Variants in RIC8B observed in about 807,000 individuals in gnomAD.
The protein encoded by RIC8B is RIC8 guanine nucleotide exchange factor B.
RIC8B carries 16 observed loss-of-function variants against 57.5 expected under a neutral mutation model. The ratio of observed to expected loss-of-function variants is 0.28; its 90% confidence interval spans 0.19 to 0.42. RIC8B has a LOEUF of 0.42. Ranked by LOEUF, RIC8B falls within the 10% of genes least tolerant of loss-of-function variation. The probability of loss-of-function intolerance (pLI) is 1.00; values close to 1 mark genes in which losing one functional copy is unlikely to be tolerated. For synonymous variants in RIC8B, 216 were observed against 250.8 expected, an observed-to-expected ratio of 0.86 and a Z score of 1.31; for missense variants, 481 against 677.0, an observed-to-expected ratio of 0.71 and a Z score of 3.21.
chr12:106,809,746 T>G (rs2045247805), intron 2 of RIC8B, among the ~76,000 whole-genome samples: 1 of 152,116 alleles, frequency 6.6e-6, no homozygotes, highest in Non-Finnish European at 1.5e-5. Context: ...CATGTGATAC[T>G]TTGACACAAG....
At position 106,830,840 on chromosome 12, in the gene RIC8B, T is replaced by C. The variant is rs1485807087; in HGVS notation, c.836+5020T>C. Among the ~76,000 whole-genome samples the C allele has an allele frequency of 3.9e-5, 6 of 152,300 alleles. No homozygotes were observed. In the South Asian group the frequency reaches 1.2e-3, roughly 32 times the overall value. On this transcript the variant is annotated intron_variant, in intron 4 of 9. Transcript: ENST00000392837. ...GAAAAGACATAAATGTTAGGAAAGC[T>C]AAATAACAATTCGAGACAGGGATAG...
intron 3 of RIC8B, among the ~76,000 whole-genome samples, chr12:106,824,977 T>C (rs1228401367): frequency 1.3e-5 from 2 of 152,210 alleles, no homozygotes; most frequent in African/African-American, 4.8e-5. Flanking sequence ...TCCTGAAATA[T>C]GGCATATCCA....
chr12:106,792,332 C>A (rs1251276430), intron 2 of RIC8B, among the ~76,000 whole-genome samples: 2 of 152,152 alleles, frequency 1.3e-5, no homozygotes, highest in Non-Finnish European at 2.9e-5. Flanking sequence ...AAAGCAAGGA[C>A]AGGACAGCCC....
At chr12:106,837,767 A>G (rs2046682055) in intron 4 of RIC8B, among the ~76,000 whole-genome samples, 1 of 149,408 alleles carries the variant, frequency 6.7e-6, no homozygotes, top group African/African-American at 2.5e-5. Flanking sequence ...TCATCCTCCC[A>G]AGTAGCTGGG....
chr12:106,822,331 G>A (rs954676052), intron 3 of RIC8B: 1 of 152,158 alleles, frequency 6.6e-6, no homozygotes, highest in African/African-American at 2.4e-5. Context: ...ATTGGTATAA[G>A]TACTTTGAAA....
chr12:106,864,955 CTT>C (rs1214420809), intron 8 of RIC8B, among the ~76,000 whole-genome samples: 2 of 152,082 alleles, frequency 1.3e-5, no homozygotes, highest in Non-Finnish European at 1.5e-5. Context: ...AGAATAATGT[CTT>C]TAAGATTCGT....
At chr12:106,870,548 TG>T (rs1260022840) in intron 8 of RIC8B, among the ~76,000 whole-genome samples, 4 of 152,100 alleles carry the variant, frequency 2.6e-5, no homozygotes, top group Admixed American at 6.5e-5. Context: ...AATCAAATTT[TG>T]TATTTTTAAA....
chr12:106,796,369 C>A (rs148049566), intron 2 of RIC8B, among the ~76,000 whole-genome samples: 1 of 151,944 alleles, frequency 6.6e-6, no homozygotes, highest in South Asian at 2.1e-4. Context: ...GAGACCCCCA[C>A]CCCCCTCCAT....
intron 4 of RIC8B, among the ~76,000 whole-genome samples, chr12:106,827,659 C>G (rs1306189396): frequency 6.6e-6 from 1 of 152,128 alleles, no homozygotes; most frequent in Non-Finnish European, 1.5e-5. Flanking sequence ...ACAAATCAAA[C>G]ATTCCTTTAG....
At chr12:106,844,648 C>T (rs1428699575) in intron 6 of RIC8B, among the ~76,000 whole-genome samples, 2 of 152,156 alleles carry the variant, frequency 1.3e-5, no homozygotes, top group East Asian at 1.9e-4. Flanking sequence ...ATCCTGGCTA[C>T]TATTTGTAAG....
At chr12:106,829,290 T>C (rs1287511031) in intron 4 of RIC8B, among the ~76,000 whole-genome samples, 1 of 152,220 alleles carries the variant, frequency 6.6e-6, no homozygotes, top group African/African-American at 2.4e-5. Flanking sequence ...AACAAGCTTA[T>C]GCATAAATAC....
In RIC8B at chr12:106,886,671, G is replaced by A. The variant is rs565496914; in HGVS notation, c.*656G>A. 6 of 152,688 alleles carry A rather than the reference G, an allele frequency of 3.9e-5. No individual in the cohort carries two copies. The East Asian group carries it at 1.2e-3, about 29-fold the overall frequency. The allele number at this position is 152,688 out of a possible 1,614,324, so 9.5% of individuals were successfully genotyped here. ...GTTATAAATGATGGTTTAGTTCTCA[G>A]GCAGCTACAAATGCCTATTTATTCC... On this transcript the variant is annotated 3_prime_UTR_variant, in exon 10 of 10. Transcript: ENST00000392837.
At position 106,808,194 on chromosome 12, in the gene RIC8B, T is replaced by C. The variant is rs201032307; in HGVS notation, c.133-6502T>C. On this transcript the variant is annotated intron_variant, in intron 2 of 9. Coordinates refer to ENST00000392837, the MANE Select transcript of RIC8B (RefSeq NM_001330145.2). ...CAATTTACATAGCATTTATGTTGTA[T>C]TGGGTATTATAAGTAGTCTAGAGGT... is the stretch of plus-strand genomic sequence containing the variant. Among the ~76,000 whole-genome samples the C allele has an allele frequency of 2.6e-5, 4 of 152,234 alleles. No individual in the cohort carries two copies. The East Asian group carries it at 7.7e-4, about 29-fold the overall frequency.
At chr12:106,805,656 T>C (rs1432483283) in intron 2 of RIC8B, among the ~76,000 whole-genome samples, 3 of 152,214 alleles carry the variant, frequency 2.0e-5, no homozygotes, top group South Asian at 2.1e-4. Context: ...CACATTAACA[T>C]CAGAGTAATA....
intron 8 of RIC8B, among the ~76,000 whole-genome samples, chr12:106,869,893 T>G (rs1455948068): frequency 6.6e-6 from 1 of 152,162 alleles, no homozygotes; most frequent in Non-Finnish European, 1.5e-5. Context: ...GAGCCGAGAT[T>G]GTGCGACTGC....
At chr12:106,825,962 T>C (rs555352926) in intron 4 of RIC8B, 142 bp downstream of exon 4, 3 of 604,800 alleles carry the variant, frequency 5.0e-6, no homozygotes, top group South Asian at 3.9e-5. Flanking sequence ...GAAATCATTA[T>C]CATGGAAATC....
chr12:106,883,764 A>C (rs1198969140), intron 9 of RIC8B, among the ~76,000 whole-genome samples: 1 of 151,916 alleles, frequency 6.6e-6, no homozygotes, highest in Non-Finnish European at 1.5e-5. Flanking sequence ...TGTGTCTATC[A>C]TGCTGCTGCC....
intron 9 of RIC8B, chr12:106,871,496 AAACC>A (rs769298671): frequency 1.4e-5 from 2 of 142,130 alleles, no homozygotes; most frequent in Admixed American, 1.4e-4. Context: ...AAAAAAAAAA[AAACC>A]AAAAAACTCC....
rs1951272637 is a variant in RIC8B at position 106,888,478 on chromosome 12, C to T, written c.*2463C>T. 3 of 152,744 alleles carry T rather than the reference C, an allele frequency of 2.0e-5. No individual in the cohort carries two copies. The South Asian group carries it at 6.2e-4, about 32-fold the overall frequency. 9.5% of individuals were successfully genotyped at this position (152,744 alleles called of 1,614,324 possible). A position where few individuals can be genotyped will look rare whatever the true frequency, so the allele number is the denominator to read the frequency against. On this transcript the variant is annotated 3_prime_UTR_variant, in exon 10 of 10. Transcript: ENST00000392837. ...CACGTCACAGCAAGGAAGAGTCCAA[C>T]TCTGGTGGCCTGACTCCCAGCACCA...
Sources: allele counts gnomAD v4.1 joint callset (sites outside exome capture counted in the v4.1 genomes callset), GRCh38; gene constraint gnomAD v4.1.1; transcripts MANE v1.5; gene names NCBI Gene and HGNC (gene_info 2026-07-23, HGNC 2026-07-21).